SV2C: variants seen among roughly 807,000 people sequenced by gnomAD.
SV2C encodes the protein solute carrier family 22 member B3.
In SV2C, 49 loss-of-function variants were observed where a neutral mutation model predicts 79.7. That is an observed-to-expected ratio of 0.61 (90% CI 0.49 to 0.78). The LOEUF is 0.78. Among genes scored for constraint, SV2C ranks in the 30% least tolerant of loss-of-function variants. The pLI, the probability that SV2C is intolerant of heterozygous loss-of-function variation, is 0.00. For synonymous variants in SV2C, 334 were observed against 333.2 expected (o/e 1.00, Z -0.03); for missense variants, 833 against 912.9 (o/e 0.91, Z 1.13).
the SV2C span, among the ~76,000 whole-genome samples, chr5:76,034,233 C>T: frequency 6.6e-6 from 1 of 151,750 alleles, no homozygotes; most frequent in Non-Finnish European, 1.5e-5. Context: ...AATTGAATAC[C>T]CTTTATTTCC....
At chr5:76,121,238 G>A (rs1316518877) in intron 1 of SV2C, among the ~76,000 whole-genome samples, 1 of 152,058 alleles carries the variant, frequency 6.6e-6, no homozygotes. Flanking sequence ...TTGTAACTTT[G>A]TTGGAGTTCA....
At chr5:76,008,450 AC>A in the SV2C span, among the ~76,000 whole-genome samples, 2 of 152,118 alleles carry the variant, frequency 1.3e-5, no homozygotes, top group Admixed American at 6.6e-5. Flanking sequence ...TGAATTCAAG[AC>A]CATTTTTTCC....
intron 1 of SV2C, among the ~76,000 whole-genome samples, chr5:76,115,097 T>C (rs78547236): frequency 0.028 from 4,333 of 152,298 alleles, 232 homozygotes; most frequent in African/African-American, 0.093. Flanking sequence ...TTAAATTAGG[T>C]CATTTTAATA....
intron 9 of SV2C, among the ~76,000 whole-genome samples, chr5:76,297,262 A>G (rs1198315096): frequency 6.6e-6 from 1 of 152,242 alleles, no homozygotes; most frequent in Non-Finnish European, 1.5e-5. Flanking sequence ...ATTCAGCATC[A>G]TAAAATGGCA....
At chr5:76,270,895 A>G (rs1476793379) in intron 4 of SV2C, among the ~76,000 whole-genome samples, 1 of 151,642 alleles carries the variant, frequency 6.6e-6, no homozygotes, top group Non-Finnish European at 1.5e-5. Flanking sequence ...CAGCCTCCCT[A>G]GTAGCTGGGA....
At chr5:75,898,742 C>G in the SV2C span, among the ~76,000 whole-genome samples, 2 of 152,154 alleles carry the variant, frequency 1.3e-5, no homozygotes, top group African/African-American at 4.8e-5. Flanking sequence ...GCCACAATTT[C>G]AGATCCTGTT....
chr5:76,016,174 G>A, the SV2C span, among the ~76,000 whole-genome samples: 1 of 144,934 alleles, frequency 6.9e-6, no homozygotes, highest in African/African-American at 2.6e-5. Context: ...GAAGCACAAG[G>A]TTGCCAGCCA....
At chr5:76,323,409 G>GAAAT (rs1189782197) in intron 12 of SV2C, among the ~76,000 whole-genome samples, 1 of 152,208 alleles carries the variant, frequency 6.6e-6, no homozygotes, top group Non-Finnish European at 1.5e-5. Flanking sequence ...AGGCTGTGGA[G>GAAAT]AAATAGGAAC....
chr5:76,096,926 G>T (rs1747583608), intron 1 of SV2C, among the ~76,000 whole-genome samples: 1 of 152,162 alleles, frequency 6.6e-6, no homozygotes, highest in Admixed American at 6.5e-5. Flanking sequence ...TCCTGGGTCT[G>T]CACTTCTTAG....
chr5:76,285,434 A>G lies in SV2C; in HGVS notation c.1047+139A>G, dbSNP rs565517276. 333 of 1,257,734 alleles carry G rather than the reference A, an allele frequency of 2.6e-4. 2 individuals are homozygous for G. In the South Asian group the frequency reaches 4.6e-3, roughly 18 times the overall value. The allele number at this position is 1,257,734 out of a possible 1,614,324, so 77.9% of individuals were successfully genotyped here. On this transcript the variant is annotated intron_variant, in intron 5 of 12. Coordinates refer to ENST00000502798, the MANE Select transcript of SV2C (RefSeq NM_014979.4). ...ATAGAATGATGGAGGGTTTGGTTTC[A>G]TGGAGACCTGCTTTCAACAACCAAC...
intron 12 of SV2C, among the ~76,000 whole-genome samples, chr5:76,310,989 G>A (rs1748416923): frequency 1.3e-5 from 2 of 152,334 alleles, no homozygotes; most frequent in East Asian, 1.9e-4. Flanking sequence ...GTATGACATT[G>A]AGAGAAGGCT....
chr5:75,887,566 A>G, the SV2C span, among the ~76,000 whole-genome samples: 1 of 152,076 alleles, frequency 6.6e-6, no homozygotes, highest in Non-Finnish European at 1.5e-5. Context: ...TTTATCTTCC[A>G]TCGTCTGGAA....
chr5:75,910,499 G>T, the SV2C span: 1 of 614,336 alleles, frequency 1.6e-6, no homozygotes, highest in Admixed American at 2.0e-5. Context: ...GTGGTCTTCT[G>T]CCTGTTGATG....
chr5:76,101,660 AATT>A (rs1263788719), intron 1 of SV2C, among the ~76,000 whole-genome samples: 1 of 152,326 alleles, frequency 6.6e-6, no homozygotes, highest in Non-Finnish European at 1.5e-5. Context: ...GACTGCTAAT[AATT>A]ATTATAAAAT....
the SV2C span, among the ~76,000 whole-genome samples, chr5:75,874,253 T>C: frequency 6.6e-6 from 1 of 152,056 alleles, no homozygotes; most frequent in East Asian, 1.9e-4. Flanking sequence ...GTTCAACATA[T>C]GCAAATCAAC....
chr5:75,909,466 T>A, the SV2C span, among the ~76,000 whole-genome samples: 34 of 152,344 alleles, frequency 2.2e-4, no homozygotes, highest in Admixed American at 1.5e-3. Context: ...GTTGACATAC[T>A]GTAGGAGTGC....
chr5:75,996,115 T>C, the SV2C span, among the ~76,000 whole-genome samples: 1 of 152,206 alleles, frequency 6.6e-6, no homozygotes, highest in Non-Finnish European at 1.5e-5. Context: ...TTTATGGTTT[T>C]AGGTCTAACA....
At chr5:76,227,405 C>T (rs1481266406) in intron 4 of SV2C, among the ~76,000 whole-genome samples, 1 of 152,188 alleles carries the variant, frequency 6.6e-6, no homozygotes, top group African/African-American at 2.4e-5. Context: ...CATTTCCCCC[C>T]TGTCTGGCTC....
the SV2C span, among the ~76,000 whole-genome samples, chr5:76,066,153 G>A: frequency 5.5e-4 from 84 of 152,116 alleles, no homozygotes; most frequent in African/African-American, 2.0e-3. Context: ...GCACACGTAT[G>A]TTTATTGCGG....
Sources: allele counts gnomAD v4.1 joint callset (sites outside exome capture counted in the v4.1 genomes callset), GRCh38; gene constraint gnomAD v4.1.1; transcripts MANE v1.5; gene names NCBI Gene and HGNC (gene_info 2026-07-23, HGNC 2026-07-21).